The following DNM3 variants were observed in gnomAD, a reference collection of about 807,000 sequenced individuals.
DNM3 encodes the protein dynamin-3.
Under a neutral mutation model 101.6 loss-of-function variants are expected in DNM3, and 47 were observed. That is an observed-to-expected ratio of 0.46 (90% CI 0.37 to 0.59). DNM3 has a LOEUF of 0.59. Among genes scored for constraint, DNM3 ranks in the 20% least tolerant of loss-of-function variants. DNM3 has a pLI of 0.00. For synonymous variants in DNM3, 385 were observed against 387.9 expected (o/e 0.99, Z 0.09); for missense variants, 849 against 1,085.7 (o/e 0.78, Z 3.06).
intron 6 of DNM3, among the ~76,000 whole-genome samples, chr1:172,037,596 G>T (rs1265032393): frequency 6.6e-6 from 1 of 152,120 alleles, no homozygotes; most frequent in South Asian, 2.1e-4. Flanking sequence ...TAAACAATCT[G>T]GGTTTTTATC....
intron 2 of DNM3, among the ~76,000 whole-genome samples, chr1:171,930,755 G>T (rs1369117422): frequency 6.6e-6 from 1 of 152,158 alleles, no homozygotes; most frequent in Non-Finnish European, 1.5e-5. Flanking sequence ...CCCAGTGCAA[G>T]TACTTGGATG....
At chr1:172,134,009 C>T (rs1190090745) in intron 14 of DNM3, among the ~76,000 whole-genome samples, 1 of 152,124 alleles carries the variant, frequency 6.6e-6, no homozygotes, top group Non-Finnish European at 1.5e-5. Context: ...AAAGATTGCC[C>T]TGGCTGCTGG....
chr1:172,180,644 T>G (rs527864712), intron 14 of DNM3, among the ~76,000 whole-genome samples: 5 of 152,250 alleles, frequency 3.3e-5, no homozygotes, highest in African/African-American at 1.2e-4. Flanking sequence ...AGCATATGAT[T>G]TATTTGAAGC....
chr1:172,320,771 C>T (rs986516372), intron 16 of DNM3, among the ~76,000 whole-genome samples: 2 of 152,060 alleles, frequency 1.3e-5, no homozygotes, highest in African/African-American at 4.8e-5. Context: ...CAGCCTCCAT[C>T]GGTTAGTCAG....
At chr1:172,122,204 AC>A (rs1246108469) in intron 13 of DNM3, among the ~76,000 whole-genome samples, 3 of 152,196 alleles carry the variant, frequency 2.0e-5, no homozygotes, top group Admixed American at 6.5e-5. Flanking sequence ...TTTGTGTTTT[AC>A]CATCAAGTTT....
intron 4 of DNM3, among the ~76,000 whole-genome samples, chr1:172,007,920 A>G (rs373161106): frequency 3.3e-5 from 5 of 152,064 alleles, no homozygotes; most frequent in African/African-American, 1.2e-4. Context: ...TGCCAGCTTC[A>G]ATGTGTTTTT....
chr1:172,101,602 A>G (rs2054643612), intron 13 of DNM3, among the ~76,000 whole-genome samples: 1 of 152,210 alleles, frequency 6.6e-6, no homozygotes, highest in Non-Finnish European at 1.5e-5. Flanking sequence ...TCCTCTCAAC[A>G]ACTCTATGAG....
chr1:172,399,557 C>G (rs1573749346), intron 20 of DNM3, among the ~76,000 whole-genome samples: 1 of 152,224 alleles, frequency 6.6e-6, no homozygotes, highest in South Asian at 2.1e-4. Context: ...TGGCTTCTCA[C>G]GAAGCATTTA....
chr1:172,331,954 T>C (rs1419762278), intron 17 of DNM3, among the ~76,000 whole-genome samples: 3 of 151,952 alleles, frequency 2.0e-5, no homozygotes, highest in Non-Finnish European at 4.4e-5. Flanking sequence ...TGAGAAGCAG[T>C]TGGATTCAGG....
At chr1:172,133,838 G>A (rs1320700314) in intron 14 of DNM3, among the ~76,000 whole-genome samples, 2 of 152,108 alleles carry the variant, frequency 1.3e-5, no homozygotes, top group Admixed American at 6.6e-5. Context: ...GTCTGTGGCT[G>A]TAACATAGGA....
At chr1:172,128,951 A>G (rs1470415338) in intron 13 of DNM3, among the ~76,000 whole-genome samples, 1 of 152,220 alleles carries the variant, frequency 6.6e-6, no homozygotes, top group Admixed American at 6.5e-5. Context: ...GGAGCATGCA[A>G]GATCCATTGA....
At chr1:171,843,215 G>A (rs1369149445) in intron 1 of DNM3, among the ~76,000 whole-genome samples, 1 of 152,080 alleles carries the variant, frequency 6.6e-6, no homozygotes, top group African/African-American at 2.4e-5. Context: ...GCCTAACAAA[G>A]TAAAATTGCT....
intron 16 of DNM3, among the ~76,000 whole-genome samples, chr1:172,312,838 A>G (rs1164922660): frequency 6.6e-6 from 1 of 152,226 alleles, no homozygotes; most frequent in Non-Finnish European, 1.5e-5. Flanking sequence ...TGTATAAAAT[A>G]CAACAGCCCT....
At chr1:172,106,023 A>G (rs2054987528) in intron 13 of DNM3, among the ~76,000 whole-genome samples, 1 of 152,148 alleles carries the variant, frequency 6.6e-6, no homozygotes, top group African/African-American at 2.4e-5. Flanking sequence ...ATTATTCCTT[A>G]CAGAACAATA....
chr1:171,862,608 G>T (rs1433018714), intron 1 of DNM3, among the ~76,000 whole-genome samples: 1 of 152,070 alleles, frequency 6.6e-6, no homozygotes, highest in African/African-American at 2.4e-5. Flanking sequence ...CTACTAATGG[G>T]TATGGAGTTT....
chr1:172,033,230 A>G lies in DNM3; in HGVS notation c.814A>G (p.Met272Val). The G allele has an allele frequency of 6.2e-7, 1 of 1,605,978 alleles. No individual in the cohort carries two copies. Among genetic ancestry groups the G allele is most frequent in the Non-Finnish European group, 8.5e-7 (1 of 1,176,148 alleles). The change falls in exon 6 of 21, where the codon ATG becomes GTG. Residue 272 changes from methionine to valine, a missense_variant. Met to Val is a conservative substitution (Grantham distance 21, BLOSUM62 1). Coordinates refer to ENST00000627582, the MANE Select transcript of DNM3 (RefSeq NM_015569.5). ...HPAYRHIADR[M>V]GTPHLQKVLN... ...GGCTTACAGACATATCGCTGACCGAATGGGAACCCCACACCTGCAGAAGGT... is the reference window on the plus strand; with the variant it reads ...GGCTTACAGACATATCGCTGACCGAGTGGGAACCCCACACCTGCAGAAGGT...
chr1:172,068,085 T>C (rs1305454114), intron 10 of DNM3, among the ~76,000 whole-genome samples: 2 of 152,212 alleles, frequency 1.3e-5, no homozygotes, highest in Non-Finnish European at 2.9e-5. Flanking sequence ...CCCAGCACTT[T>C]GGGAGACCAA....
chr1:172,079,886 G>A (rs918380343), intron 11 of DNM3, among the ~76,000 whole-genome samples: 5 of 152,146 alleles, frequency 3.3e-5, no homozygotes, highest in Admixed American at 2.6e-4. Flanking sequence ...CCCCTCTGCT[G>A]CAGGTCTGCT....
intron 15 of DNM3, among the ~76,000 whole-genome samples, chr1:172,276,156 C>T (rs2063278004): frequency 6.6e-6 from 1 of 151,946 alleles, no homozygotes; most frequent in South Asian, 2.1e-4. Flanking sequence ...GTAGGGTGTC[C>T]TAATTTATCA....
Sources: gnomAD v4.1 joint callset for allele counts (sites outside exome capture counted in the v4.1 genomes callset) on GRCh38, gnomAD v4.1.1 for gene constraint, MANE v1.5 for transcripts, NCBI Gene and HGNC (gene_info 2026-07-23, HGNC 2026-07-21) for gene names.